PCYT1A: variants seen among roughly 807,000 people sequenced by gnomAD.
The protein encoded by PCYT1A is phosphate cytidylyltransferase 1A, choline, also known as choline-phosphate cytidylyltransferase A.
A neutral mutation model predicts 43.7 loss-of-function variants in PCYT1A; 25 were observed. The ratio of observed to expected loss-of-function variants is 0.57; its 90% CI spans 0.42 to 0.80. The LOEUF (loss-of-function observed/expected upper bound fraction) is 0.80. Among genes scored for constraint, PCYT1A ranks in the 30% least tolerant of loss-of-function variants. The pLI is 0.00. For synonymous variants in PCYT1A, 172 were observed against 170.7 expected, an observed-to-expected ratio of 1.01 and a Z score of -0.06; for missense variants, 421 against 474.2, an observed-to-expected ratio of 0.89 and a Z score of 1.04.
intron 7 of PCYT1A, chr3:196,241,705 T>A: frequency 7.2e-7 from 1 of 1,386,008 alleles, no homozygotes; most frequent in Non-Finnish European, 9.7e-7. Flanking sequence ...TACTGCACTA[T>A]ATAAATTACT....
intron 1 of PCYT1A, among the ~76,000 whole-genome samples, chr3:196,274,361 G>A (rs1024868377): frequency 2.6e-5 from 4 of 152,210 alleles, no homozygotes; most frequent in South Asian, 2.1e-4. Flanking sequence ...ATGCCTCCCC[G>A]ACTGCAGCCG....
rs201500990 is a variant in PCYT1A, at chr3:196,238,450, G to GT, written c.*237_*238insA. ...AACAGTGAAACAAAGCCCTTGGGGG[G>GT]GGGTAAATGGATGCAGAGCAGGCTT... On this transcript the variant is annotated 3_prime_UTR_variant, in exon 9 of 9. Coordinates refer to ENST00000431016, the MANE Select transcript of PCYT1A (RefSeq NM_001312673.2). 2 of 363,336 alleles carry GT rather than the reference G, an allele frequency of 5.5e-6. No homozygotes were observed. The highest frequency in any genetic ancestry group is 9.9e-6 in the Non-Finnish European group (2 of 202,782). 22.5% of individuals were successfully genotyped at this position (363,336 alleles called of 1,614,324 possible).
chr3:196,284,889 T>G (rs191862553), intron 1 of PCYT1A, among the ~76,000 whole-genome samples: 1 of 152,212 alleles, frequency 6.6e-6, no homozygotes, highest in Non-Finnish European at 1.5e-5. Context: ...AAGAAACCCC[T>G]GGGTAGTTCC....
Position 196,238,660 on chromosome 3 carries a change from G to T in PCYT1A, c.*28C>A, listed in dbSNP as rs1724249224. ...GCTTCTGAAGGTAATGGGACAGAAAGGGAGGACAGGAAAGGAGGGAGGAAA... is the reference window on the plus strand; with the variant it reads ...GCTTCTGAAGGTAATGGGACAGAAATGGAGGACAGGAAAGGAGGGAGGAAA... On this transcript the variant is annotated 3_prime_UTR_variant, in exon 9 of 9. Transcript: ENST00000431016. 1.1e-5 allele frequency: 16 copies of T among 1,412,528 alleles called. No individual in the cohort carries two copies. Among genetic ancestry groups the T allele is most frequent in the Non-Finnish European group, 1.5e-5 (16 of 1,052,062 alleles). 87.5% of individuals were successfully genotyped at this position (1,412,528 alleles called of 1,614,324 possible). A position where few individuals can be genotyped will look rare whatever the true frequency, so the allele number is the denominator to read the frequency against.
At position 196,247,034 on chromosome 3, in the gene PCYT1A, C is replaced by T. The variant is rs1418730029; in HGVS notation, c.486+333G>A. 1.1e-4 allele frequency among the ~76,000 whole-genome samples: 17 copies of T among 151,814 alleles called. No individual in the cohort carries two copies. Among genetic ancestry groups the T allele is most frequent in the Non-Finnish European group, 5.9e-5 (4 of 67,992 alleles). On this transcript the variant is annotated intron_variant, in intron 5 of 8. Coordinates refer to ENST00000431016, the MANE Select transcript of PCYT1A (RefSeq NM_001312673.2). The surrounding 1 kb of genome is among the most constrained non-coding windows in gnomAD (Gnocchi z 4.8). ...GGTGTAACTTGTGGCGAGTTCAGTT[C>T]CCAGCCCTGCCAATGGTGTAACTTG...
Position 196,238,337 on chromosome 3 carries a change from G to A in PCYT1A, c.*351C>T. 5.9e-6 allele frequency: 1 copy of A among 169,246 alleles called. No individual in the cohort carries two copies. The highest frequency in any genetic ancestry group is 1.3e-5 in the Non-Finnish European group (1 of 79,644). The allele number at this position is 169,246 out of a possible 1,614,324, so 10.5% of individuals were successfully genotyped here. ...CTCCTTCTTCTGCCCACTCCTCAGG[G>A]GCAAAAAATTAGTTCTACATTTGAA... On this transcript the variant is annotated 3_prime_UTR_variant, in exon 9 of 9. Coordinates refer to ENST00000431016, the MANE Select transcript of PCYT1A (RefSeq NM_001312673.2).
rs1441998128 is a variant in PCYT1A at position 196,273,920 on chromosome 3, C to T, written c.-10-3379G>A. On this transcript the variant is annotated intron_variant, in intron 1 of 8. Transcript: ENST00000431016. This position sits in a 1 kb window ranked among gnomAD's most constrained non-coding sequence, Gnocchi z 4.1. ...CCTGTCTGCCTCCTGCTGTCATCAA[C>T]CTGCTGTCCACAGCGCCCAGGCTAT... is the stretch of plus-strand genomic sequence containing the variant. Among the ~76,000 whole-genome samples the T allele has an allele frequency of 6.6e-6, 1 of 152,244 alleles. No individual in the cohort carries two copies. The highest frequency in any genetic ancestry group is 1.5e-5 in the Non-Finnish European group (1 of 68,042).
Position 196,252,520 on chromosome 3 carries a change from C to A in PCYT1A, c.218-4197G>T, listed in dbSNP as rs560143061. Among the ~76,000 whole-genome samples the A allele has an allele frequency of 6.6e-6, 1 of 152,054 alleles. No individual in the cohort carries two copies. Among genetic ancestry groups the A allele is most frequent in the Non-Finnish European group, 1.5e-5 (1 of 68,006 alleles). On this transcript the variant is annotated intron_variant, in intron 3 of 8. Transcript: ENST00000431016. This position sits in a 1 kb window ranked among gnomAD's most constrained non-coding sequence, Gnocchi z 4.0. Reference sequence around the variant, plus strand: ...CCTCCCGAAGTTCTGGGATTACGGGCGTGAGCCACCATGCCCAGCCCAGGC... The same window carrying A: ...CCTCCCGAAGTTCTGGGATTACGGGAGTGAGCCACCATGCCCAGCCCAGGC...
chr3:196,263,233 A>C (rs1725168148), intron 2 of PCYT1A, among the ~76,000 whole-genome samples: 1 of 152,012 alleles, frequency 6.6e-6, no homozygotes, highest in African/African-American at 2.4e-5. Flanking sequence ...TTTATTTTTT[A>C]AGAGACAGGG....
Position 196,257,827 on chromosome 3 carries a change from C to T in PCYT1A, c.178G>A (p.Val60Ile). 1 of 1,612,854 alleles carries T rather than the reference C, an allele frequency of 6.2e-7. No homozygotes were observed. The highest frequency in any genetic ancestry group is 8.5e-7 in the Non-Finnish European group (1 of 1,179,070). ...EIEVDFSKPY[V>I]RVTMEEASRG... Reference sequence around the variant, plus strand: ...CTGGCTTCTTCCATAGTTACCCTGACATAGGGCTTACTAAAGTCAACTTCA... The same window carrying T: ...CTGGCTTCTTCCATAGTTACCCTGATATAGGGCTTACTAAAGTCAACTTCA... Residue 60 changes from valine (V) to isoleucine (I), a missense_variant, in exon 3 of 9, where the codon GTC (valine) becomes ATC (isoleucine). Coordinates refer to ENST00000431016, the MANE Select transcript of PCYT1A (RefSeq NM_001312673.2).
intron 1 of PCYT1A, among the ~76,000 whole-genome samples, chr3:196,275,012 C>T (rs1054002652): frequency 6.6e-6 from 1 of 152,238 alleles, no homozygotes; most frequent in African/African-American, 2.4e-5. Flanking sequence ...ACTCTCATCT[C>T]AGTGGTCTGA....
At chr3:196,241,404 T>A in intron 7 of PCYT1A, 1 of 626,546 alleles carries the variant, frequency 1.6e-6, no homozygotes, top group Non-Finnish European at 2.5e-6. Flanking sequence ...CCCAGACTGG[T>A]CTCAAACTCC....
At chr3:196,244,585 G>C (rs1297040943) in intron 5 of PCYT1A, among the ~76,000 whole-genome samples, 2 of 152,212 alleles carry the variant, frequency 1.3e-5, no homozygotes, top group East Asian at 3.9e-4. Flanking sequence ...ACCCCGTCTG[G>C]GAGGTGTACC....
intron 2 of PCYT1A, among the ~76,000 whole-genome samples, chr3:196,259,323 T>C (rs1725038870): frequency 6.6e-6 from 1 of 151,034 alleles, no homozygotes; most frequent in Admixed American, 6.7e-5. Context: ...TGTCTCTTTC[T>C]AGGAAATTGT....
chr3:196,247,856 A>G lies in PCYT1A; in HGVS notation c.335-338T>C. The G allele has an allele frequency of 2.0e-6, 1 of 493,304 alleles. No homozygotes were observed. The allele number at this position is 493,304 out of a possible 1,614,324, so 30.6% of individuals were successfully genotyped here. A position where few individuals can be genotyped will look rare whatever the true frequency, so the allele number is the denominator to read the frequency against. ...TCCTGTTTTATTCACACTGGACTGGACCACCTAACATTTCCTTGGCAGACT... is the reference window on the plus strand; with the variant it reads ...TCCTGTTTTATTCACACTGGACTGGGCCACCTAACATTTCCTTGGCAGACT... On this transcript the variant is annotated intron_variant, in intron 4 of 8. Transcript: ENST00000431016. The surrounding 1 kb of genome is among the most constrained non-coding windows in gnomAD (Gnocchi z 4.8).
chr3:196,259,614 CTGGTGGAT>C (rs757066475), intron 2 of PCYT1A, among the ~76,000 whole-genome samples: 17 of 152,048 alleles, frequency 1.1e-4, no homozygotes, highest in Middle Eastern at 6.8e-3. Context: ...GAGGCCCAGG[CTGGTGGAT>C]TGCTTGAGCC....
At chr3:196,245,892 G>A (rs374233358) in intron 5 of PCYT1A, among the ~76,000 whole-genome samples, 14 of 151,474 alleles carry the variant, frequency 9.2e-5, no homozygotes, top group South Asian at 4.2e-4. Context: ...CGGAGGTTGC[G>A]GTGATCCGAG....
rs372051229 is a variant in PCYT1A, at chr3:196,238,678, G to A, written c.*10C>T. 1.9e-5 allele frequency: 29 copies of A among 1,489,840 alleles called. No homozygotes were observed. The highest frequency in any genetic ancestry group is 2.2e-5 in the Non-Finnish European group (24 of 1,111,670). 92.3% of individuals were successfully genotyped at this position (1,489,840 alleles called of 1,614,324 possible). Reference sequence around the variant, plus strand: ...ACAGAAAGGGAGGACAGGAAAGGAGGGAGGAAACATTAGTCTTCTTCATCC... The same window carrying A: ...ACAGAAAGGGAGGACAGGAAAGGAGAGAGGAAACATTAGTCTTCTTCATCC... On this transcript the variant is annotated 3_prime_UTR_variant, in exon 9 of 9. Transcript: ENST00000431016.
intron 2 of PCYT1A, among the ~76,000 whole-genome samples, chr3:196,265,556 C>CA (rs1725242159): frequency 6.6e-6 from 1 of 152,108 alleles, no homozygotes; most frequent in South Asian, 2.1e-4. Flanking sequence ...CCTGACCCAC[C>CA]AACCCAGGTA....
Sources: allele counts gnomAD v4.1 joint callset (sites outside exome capture counted in the v4.1 genomes callset), GRCh38; gene constraint gnomAD v4.1.1; non-coding constraint Gnocchi (gnomAD v3.1); transcripts MANE v1.5; gene names NCBI Gene and HGNC (gene_info 2026-07-23, HGNC 2026-07-21).